Variants in FGF14 observed in about 807,000 individuals in gnomAD.
FGF14 encodes the protein fibroblast growth factor 14.
In FGF14, 5 loss-of-function variants were observed where a neutral mutation model predicts 25.5. The observed-to-expected ratio is 0.20, with a 90% confidence interval of 0.10 to 0.41. FGF14 has a LOEUF of 0.41. Among genes scored for constraint, FGF14 ranks in the 10% least tolerant of loss-of-function variants. The pLI is 1.00. For missense variants in FGF14, 222 were observed against 320.1 expected (o/e 0.69, Z 2.34); for synonymous variants, 138 against 118.3 (o/e 1.17, Z -1.08).
intron 1 of FGF14, among the ~76,000 whole-genome samples, chr13:102,193,967 A>G (rs1425705563): frequency 1.3e-5 from 2 of 152,210 alleles, no homozygotes; most frequent in Non-Finnish European, 2.9e-5. Flanking sequence ...AAAATTTGAA[A>G]TAACTTTAAA....
Position 101,809,891 on chromosome 13 carries a change from A to AC in FGF14, c.408+58833dup, listed in dbSNP as rs553730754. On this transcript the variant is annotated intron_variant, in intron 3 of 4. Transcript: ENST00000376143. The stretch of plus-strand genomic sequence containing the variant: ...TAATTCACATCTTATAGAGGAAGAG[A>AC]CCCCCCAAGGTCACACAACTAGATA... 3.9e-4 allele frequency among the ~76,000 whole-genome samples: 59 copies of AC among 152,082 alleles called. 1 individual carries two copies. The East Asian group carries it at 0.011, about 27-fold the overall frequency.
intron 1 of FGF14, among the ~76,000 whole-genome samples, chr13:102,048,935 C>T (rs1392910077): frequency 2.0e-5 from 3 of 152,128 alleles, no homozygotes; most frequent in Admixed American, 2.0e-4. Flanking sequence ...GGAATAACTT[C>T]CCTTCCTAAA....
chr13:102,281,879 C>A (rs979571195), intron 1 of FGF14, among the ~76,000 whole-genome samples: 2 of 152,010 alleles, frequency 1.3e-5, no homozygotes, highest in African/African-American at 4.8e-5. Flanking sequence ...GTGGTGGCAA[C>A]AAGGGATGAC....
At chr13:101,829,674 G>A (rs901237701) in intron 3 of FGF14, among the ~76,000 whole-genome samples, 2 of 152,034 alleles carry the variant, frequency 1.3e-5, no homozygotes, top group African/African-American at 2.4e-5. Flanking sequence ...ACCAGGATCT[G>A]CCAGAGTTGG....
rs2984841 is a variant in FGF14, at chr13:101,846,502, C to T, written c.408+22223G>A. Among the ~76,000 whole-genome samples, 1,234 of 152,128 alleles carry T rather than the reference C, an allele frequency of 8.1e-3. 21 individuals are homozygous for T. Among genetic ancestry groups the T allele is most frequent in the African/African-American group, 0.028 (1,158 of 41,534 alleles). On this transcript the variant is annotated intron_variant, in intron 3 of 4. Transcript: ENST00000376143. ...TCATTTCACTGCATTTTTGCCGACT[C>T]TTAAATGTTCCCCTCTTCTCTGTTG...
intron 1 of FGF14, among the ~76,000 whole-genome samples, chr13:102,034,119 G>C (rs560217715): frequency 1.3e-5 from 2 of 152,048 alleles, no homozygotes; most frequent in Non-Finnish European, 2.9e-5. Flanking sequence ...GCATAATGTG[G>C]CAGCAATACA....
At chr13:101,778,390 G>A (rs1328357) in intron 3 of FGF14, among the ~76,000 whole-genome samples, 62,249 of 151,796 alleles carry the variant, frequency 0.41, 14,369 homozygotes, top group Non-Finnish European at 0.52. Flanking sequence ...TTCTCCTTGT[G>A]TAAGTAGCTC....
At chr13:102,346,051 T>A (rs2057095921) in intron 1 of FGF14, among the ~76,000 whole-genome samples, 1 of 152,182 alleles carries the variant, frequency 6.6e-6, no homozygotes, top group Non-Finnish European at 1.5e-5. Context: ...TTTCTGATTA[T>A]CAAATGTGTA....
chr13:101,776,309 G>A (rs556736755), intron 3 of FGF14, among the ~76,000 whole-genome samples: 2 of 152,214 alleles, frequency 1.3e-5, no homozygotes, highest in East Asian at 1.9e-4. Context: ...TCCGTGAAAC[G>A]CCAAAATGAA....
intron 1 of FGF14, among the ~76,000 whole-genome samples, chr13:102,195,113 G>T (rs10083250): frequency 6.6e-6 from 1 of 151,972 alleles, no homozygotes; most frequent in African/African-American, 2.4e-5. Flanking sequence ...AATGCTAAAC[G>T]GAGTTGTTCA....
At chr13:101,766,587 A>T (rs1392707746) in intron 3 of FGF14, among the ~76,000 whole-genome samples, 1 of 152,228 alleles carries the variant, frequency 6.6e-6, no homozygotes, top group Non-Finnish European at 1.5e-5. Flanking sequence ...AAGTTGAGTA[A>T]TATGAGTGCA....
chr13:101,920,162 G>T (rs2033893428), upstream of FGF14, among the ~76,000 whole-genome samples: 1 of 152,148 alleles, frequency 6.6e-6, no homozygotes, highest in African/African-American at 2.4e-5. Context: ...GCAAAGCTAG[G>T]GTGAAAACCA....
intron 1 of FGF14, among the ~76,000 whole-genome samples, chr13:102,068,805 C>T (rs1187491606): frequency 1.3e-5 from 2 of 152,208 alleles, no homozygotes; most frequent in African/African-American, 4.8e-5. Context: ...CGAGCACCAC[C>T]CCCCTGCTCC....
At chr13:102,056,249 T>G (rs1355026977) in intron 1 of FGF14, among the ~76,000 whole-genome samples, 1 of 152,178 alleles carries the variant, frequency 6.6e-6, no homozygotes, top group Non-Finnish European at 1.5e-5. Context: ...ACAGAAAAAT[T>G]TGCCAGCCAT....
At chr13:102,023,370 T>C (rs924123904) in intron 1 of FGF14, among the ~76,000 whole-genome samples, 2 of 152,104 alleles carry the variant, frequency 1.3e-5, no homozygotes, top group African/African-American at 2.4e-5. Flanking sequence ...TGATTAAAAA[T>C]AGAGATTAGA....
At chr13:102,358,606 C>T (rs1356206021) in intron 1 of FGF14, among the ~76,000 whole-genome samples, 3 of 152,150 alleles carry the variant, frequency 2.0e-5, no homozygotes, top group African/African-American at 4.8e-5. Context: ...ATCTGTACTC[C>T]ACCTGAAAAC....
chr13:102,161,564 GTGAAGAAAGAAAGAAGAAGAAGAAGAAGA>G (rs1566763517), intron 1 of FGF14, among the ~76,000 whole-genome samples: 124 of 8,700 alleles, frequency 0.014, 4 homozygotes, highest in Non-Finnish European at 0.02. Context: ...CCAACTTTCT[GTGAAGAAAGAAAGAAGAAGAAGAAGAAGA>G]AGAAGAAGAA....
At chr13:102,204,253 T>C (rs1194016732) in intron 1 of FGF14, among the ~76,000 whole-genome samples, 1 of 152,180 alleles carries the variant, frequency 6.6e-6, no homozygotes, top group Non-Finnish European at 1.5e-5. Flanking sequence ...TGATGGTTGC[T>C]CAAAAACTGC....
intron 1 of FGF14, among the ~76,000 whole-genome samples, chr13:102,312,420 C>T (rs1355774199): frequency 6.6e-6 from 1 of 152,120 alleles, no homozygotes; most frequent in Non-Finnish European, 1.5e-5. Flanking sequence ...ATATTTATTA[C>T]TGTTTACCAA....
Sources: gnomAD v4.1 joint callset for allele counts (sites outside exome capture counted in the v4.1 genomes callset) on GRCh38, gnomAD v4.1.1 for gene constraint, MANE v1.5 for transcripts, NCBI Gene and HGNC (gene_info 2026-07-23, HGNC 2026-07-21) for gene names.